Variants in TRAPPC9 observed in about 807,000 individuals in gnomAD.
TRAPPC9 encodes the protein IKK2 binding protein.
A neutral mutation model predicts 124.0 loss-of-function variants in TRAPPC9; 83 were observed. That is an observed-to-expected ratio of 0.67 (90% confidence interval 0.56 to 0.80). The LOEUF (loss-of-function observed/expected upper bound fraction) is 0.80. TRAPPC9 is among the 30% of genes least tolerant of loss of function. TRAPPC9 has a pLI of 0.00. For synonymous variants in TRAPPC9, 638 were observed against 617.5 expected (o/e 1.03, Z -0.49); for missense variants, 1,302 against 1,508.3 (o/e 0.86, Z 2.27).
intron 21 of TRAPPC9, among the ~76,000 whole-genome samples, chr8:139,872,625 C>T (rs112157376): frequency 2.1e-3 from 93 of 43,528 alleles, no homozygotes; most frequent in Admixed American, 2.9e-3. Flanking sequence ...GGCTGGTGGA[C>T]GGGTTGATGG....
At chr8:140,401,212 G>T (rs551171784) in intron 6 of TRAPPC9, among the ~76,000 whole-genome samples, 2 of 152,144 alleles carry the variant, frequency 1.3e-5, no homozygotes, top group African/African-American at 2.4e-5. Context: ...AAGCAAAGGC[G>T]CAACTGGTTA....
chr8:139,858,573 G>C (rs1040522182), intron 21 of TRAPPC9, among the ~76,000 whole-genome samples: 3 of 152,186 alleles, frequency 2.0e-5, no homozygotes, highest in African/African-American at 7.2e-5. Context: ...TATACATAGG[G>C]GACAGCCAGG....
chr8:140,042,941 G>A (rs1841362170), intron 17 of TRAPPC9, among the ~76,000 whole-genome samples: 1 of 152,186 alleles, frequency 6.6e-6, no homozygotes, highest in African/African-American at 2.4e-5. Context: ...TCCCATCTGA[G>A]GGACTCAGTC....
At chr8:139,784,998 G>C (rs1822122212) in intron 21 of TRAPPC9, among the ~76,000 whole-genome samples, 1 of 152,072 alleles carries the variant, frequency 6.6e-6, no homozygotes, top group African/African-American at 2.4e-5. Flanking sequence ...GACCTAGAAT[G>C]GCCAAAATAT....
At chr8:140,042,666 C>T (rs534898210) in intron 17 of TRAPPC9, among the ~76,000 whole-genome samples, 1 of 152,338 alleles carries the variant, frequency 6.6e-6, no homozygotes, top group South Asian at 2.1e-4. Flanking sequence ...CCTGGGCCCA[C>T]GCCCTCTGCA....
At chr8:140,169,446 T>C (rs533667513) in intron 17 of TRAPPC9, among the ~76,000 whole-genome samples, 2 of 152,198 alleles carry the variant, frequency 1.3e-5, no homozygotes, top group Middle Eastern at 6.8e-3. Context: ...CCCAAGAGGA[T>C]GGAAAACAGG....
chr8:140,164,876 A>C (rs998610265), intron 17 of TRAPPC9, among the ~76,000 whole-genome samples: 12 of 152,124 alleles, frequency 7.9e-5, no homozygotes, highest in Admixed American at 6.5e-5. Flanking sequence ...CTCCTGGCTC[A>C]AGCCCGCATC....
chr8:140,074,087 AG>A (rs1423175140), intron 17 of TRAPPC9, among the ~76,000 whole-genome samples: 1 of 152,220 alleles, frequency 6.6e-6, no homozygotes, highest in Admixed American at 6.5e-5. Context: ...CGTCACAGAC[AG>A]GAAGTGCTCC....
chr8:140,455,808 A>G (rs1013736619), intron 1 of TRAPPC9, among the ~76,000 whole-genome samples: 11 of 152,322 alleles, frequency 7.2e-5, no homozygotes, highest in Middle Eastern at 3.4e-3. Flanking sequence ...AAAATGTTAA[A>G]TCTATACAAT....
At chr8:139,847,084 G>A (rs939760178) in intron 21 of TRAPPC9, among the ~76,000 whole-genome samples, 2 of 152,340 alleles carry the variant, frequency 1.3e-5, no homozygotes, top group Middle Eastern at 3.4e-3. Flanking sequence ...TGCAGCAACT[G>A]TGGGTGCGCA....
chr8:140,213,774 G>A (rs553004622), intron 17 of TRAPPC9, among the ~76,000 whole-genome samples: 4 of 152,212 alleles, frequency 2.6e-5, no homozygotes, highest in Non-Finnish European at 5.9e-5. Context: ...GCCTGGCCCC[G>A]CCTCCTGGCA....
intron 19 of TRAPPC9, among the ~76,000 whole-genome samples, chr8:139,958,902 A>AGCACTGCATTCCGAGTCACACG (rs1835173150): frequency 7.0e-6 from 1 of 143,620 alleles, no homozygotes; most frequent in African/African-American, 2.7e-5. Context: ...CGAGTCACAC[A>AGCACTGCATTCCGAGTCACACG]GGGGAGCACT....
At position 140,252,643 on chromosome 8, in the gene TRAPPC9, G is replaced by C. The variant is rs921224844; in HGVS notation, c.2431+134C>G. ...CACACTCTGTTAACAAAGTGCCCAG[G>C]AGATGTCTCAGGCAGCTTGAGTTAA... is the stretch of plus-strand genomic sequence containing the variant. On this transcript the variant is annotated intron_variant, in intron 16 of 22. Transcript: ENST00000438773. This position sits in a 1 kb window ranked among gnomAD's most constrained non-coding sequence, Gnocchi z 4.2. 8.0e-6 allele frequency: 8 copies of C among 995,194 alleles called. No homozygotes were observed. Among genetic ancestry groups the C allele is most frequent in the Admixed American group, 7.6e-5 (4 of 52,746 alleles). 61.6% of individuals were successfully genotyped at this position (995,194 alleles called of 1,614,324 possible).
upstream of TRAPPC9, chr8:140,457,828 G>C (rs2132757016): frequency 9.4e-7 from 1 of 1,067,604 alleles, no homozygotes; most frequent in East Asian, 8.8e-5. Flanking sequence ...CAAGAGACGC[G>C]AGGGAAGCAA....
intron 19 of TRAPPC9, among the ~76,000 whole-genome samples, chr8:139,946,628 G>A (rs1318520381): frequency 6.6e-6 from 1 of 151,454 alleles, no homozygotes; most frequent in East Asian, 2.0e-4. Context: ...AGCACAAGGG[G>A]AAAGAAGAGG....
At chr8:139,819,662 G>A (rs1358234965) in intron 21 of TRAPPC9, among the ~76,000 whole-genome samples, 2 of 152,100 alleles carry the variant, frequency 1.3e-5, no homozygotes, top group Non-Finnish European at 2.9e-5. Context: ...GCAGTGCATC[G>A]AAAGAATCAT....
intron 17 of TRAPPC9, chr8:140,100,117 G>C (rs1403699974): frequency 2.0e-5 from 3 of 149,322 alleles, no homozygotes; most frequent in Non-Finnish European, 3.0e-5. Context: ...GACTGCGGAA[G>C]GAGTGCCGCA....
intron 21 of TRAPPC9, among the ~76,000 whole-genome samples, chr8:139,793,029 C>T (rs1822807870): frequency 6.6e-6 from 1 of 152,146 alleles, no homozygotes; most frequent in Non-Finnish European, 1.5e-5. Flanking sequence ...CTGGGTCTGG[C>T]GTTGCACTGA....
intron 19 of TRAPPC9, chr8:139,932,194 A>G (rs1448549528): frequency 1.0e-5 from 4 of 401,790 alleles, no homozygotes; most frequent in Non-Finnish European, 2.0e-5. Flanking sequence ...AGGAGAAACC[A>G]GCCAGGCAGG....
Sources: allele counts gnomAD v4.1 joint callset (sites outside exome capture counted in the v4.1 genomes callset), GRCh38; gene constraint gnomAD v4.1.1; non-coding constraint Gnocchi (gnomAD v3.1); transcripts MANE v1.5; gene names NCBI Gene and HGNC (gene_info 2026-07-23, HGNC 2026-07-21).